Variants in CCDC102B observed in about 807,000 individuals in gnomAD.
CCDC102B encodes the protein coiled-coil domain containing 102B.
A neutral mutation model predicts 57.4 loss-of-function variants in CCDC102B; 75 were observed. The ratio of observed to expected loss-of-function variants is 1.31; its 90% confidence interval spans 1.08 to 1.58. The LOEUF (loss-of-function observed/expected upper bound fraction) is 1.58, where lower values mean the gene tolerates loss of function less well. Ranked by LOEUF, CCDC102B falls within the 40% of genes most tolerant of loss-of-function variation. The pLI is 0.00. For synonymous variants in CCDC102B, 206 were observed against 201.9 expected, an observed-to-expected ratio of 1.02 and a Z score of -0.17; for missense variants, 636 against 582.6, an observed-to-expected ratio of 1.09 and a Z score of -0.94.
chr18:68,877,019 C>G (rs963049946), intron 5 of CCDC102B, among the ~76,000 whole-genome samples: 1 of 152,144 alleles, frequency 6.6e-6, no homozygotes, highest in Non-Finnish European at 1.5e-5. Context: ...CCTTGAGTAA[C>G]AGATATTTCT....
intron 6 of CCDC102B, among the ~76,000 whole-genome samples, chr18:68,960,260 G>A (rs530076384): frequency 6.6e-6 from 1 of 152,228 alleles, no homozygotes; most frequent in East Asian, 1.9e-4. Flanking sequence ...GTCCCTTCTG[G>A]TCTTCTGGGT....
chr18:69,001,967 G>A (rs1022860986), intron 6 of CCDC102B, among the ~76,000 whole-genome samples: 6 of 151,972 alleles, frequency 3.9e-5, no homozygotes, highest in Non-Finnish European at 7.4e-5. Context: ...CCATTCTCAG[G>A]CCCAAGACCT....
intron 1 of CCDC102B, among the ~76,000 whole-genome samples, chr18:68,831,901 T>G (rs2037156933): frequency 6.6e-6 from 1 of 152,172 alleles, no homozygotes; most frequent in African/African-American, 2.4e-5. Context: ...TGTGCATGTT[T>G]GACAGGCCAC....
chr18:69,045,796 T>C (rs112306844), intron 7 of CCDC102B, among the ~76,000 whole-genome samples: 2,672 of 152,172 alleles, frequency 0.018, 83 homozygotes, highest in African/African-American at 0.06. Flanking sequence ...TCTGTTGTTC[T>C]CCTCTTTGTG....
upstream of CCDC102B, among the ~76,000 whole-genome samples, chr18:68,793,179 A>G (rs1197315967): frequency 6.6e-6 from 1 of 152,188 alleles, no homozygotes; most frequent in Non-Finnish European, 1.5e-5. Flanking sequence ...GTACATTTCA[A>G]TCAAAACCAA....
chr18:68,746,280 A>G (rs935855894), intron 2 of CCDC102B, among the ~76,000 whole-genome samples: 1 of 152,198 alleles, frequency 6.6e-6, no homozygotes, highest in African/African-American at 2.4e-5. Flanking sequence ...TCTGAATGCT[A>G]TCCATCACGT....
intron 6 of CCDC102B, among the ~76,000 whole-genome samples, chr18:68,981,549 A>G (rs1157951557): frequency 6.6e-6 from 1 of 152,084 alleles, no homozygotes; most frequent in African/African-American, 2.4e-5. Flanking sequence ...AGGAAAAACA[A>G]ACAAACAAAA....
intron 6 of CCDC102B, among the ~76,000 whole-genome samples, chr18:68,946,722 C>T (rs1243938363): frequency 1.3e-5 from 2 of 151,886 alleles, no homozygotes; most frequent in African/African-American, 4.8e-5. Context: ...CATTTAGAAA[C>T]CTAAGGGCTT....
At chr18:68,717,256 C>G (rs545877226) in intron 2 of CCDC102B, among the ~76,000 whole-genome samples, 2 of 152,034 alleles carry the variant, frequency 1.3e-5, no homozygotes, top group African/African-American at 4.8e-5. Context: ...AAAATAAATA[C>G]CAATTAAGTA....
intron 6 of CCDC102B, among the ~76,000 whole-genome samples, chr18:69,009,507 AT>A (rs148801044): frequency 0.033 from 4,953 of 152,148 alleles, 266 homozygotes; most frequent in African/African-American, 0.11. Flanking sequence ...TACTGAATAT[AT>A]TTTTTTGTTA....
chr18:68,921,966 T>G (rs968946782), intron 6 of CCDC102B, among the ~76,000 whole-genome samples: 1 of 152,174 alleles, frequency 6.6e-6, no homozygotes, highest in Non-Finnish European at 1.5e-5. Flanking sequence ...GATGCTCTGA[T>G]AGGGACTGGG....
At chr18:68,962,276 G>T (rs2050064427) in intron 6 of CCDC102B, among the ~76,000 whole-genome samples, 1 of 152,006 alleles carries the variant, frequency 6.6e-6, no homozygotes, top group East Asian at 1.9e-4. Flanking sequence ...ACTCTGCATG[G>T]ATACCTTACA....
intron 5 of CCDC102B, among the ~76,000 whole-genome samples, chr18:68,894,181 C>T (rs917842498): frequency 6.6e-6 from 1 of 151,974 alleles, no homozygotes; most frequent in East Asian, 1.9e-4. Flanking sequence ...TTCAGTTCCT[C>T]TTTGTTTCTT....
At chr18:68,722,373 A>C (rs888157553) in intron 2 of CCDC102B, among the ~76,000 whole-genome samples, 2 of 152,214 alleles carry the variant, frequency 1.3e-5, no homozygotes, top group African/African-American at 2.4e-5. Flanking sequence ...ACTATATGAC[A>C]ATGAAATGAC....
At chr18:68,724,009 A>G (rs2032479357) in intron 2 of CCDC102B, among the ~76,000 whole-genome samples, 1 of 152,196 alleles carries the variant, frequency 6.6e-6, no homozygotes, top group South Asian at 2.1e-4. Flanking sequence ...TCTGAAATCT[A>G]GATGCAGGTT....
At chr18:68,915,995 T>C (rs2041058816) in intron 6 of CCDC102B, among the ~76,000 whole-genome samples, 1 of 152,216 alleles carries the variant, frequency 6.6e-6, no homozygotes, top group African/African-American at 2.4e-5. Flanking sequence ...GCCTTATTTT[T>C]ATAAAAGGTG....
chr18:68,794,011 T>C (rs1328389868), upstream of CCDC102B, among the ~76,000 whole-genome samples: 1 of 152,168 alleles, frequency 6.6e-6, no homozygotes, highest in East Asian at 1.9e-4. Context: ...GATTAATATT[T>C]ATTCCCCATT....
intron 5 of CCDC102B, among the ~76,000 whole-genome samples, chr18:68,881,211 A>C (rs1201849529): frequency 6.6e-6 from 1 of 152,200 alleles, no homozygotes; most frequent in Non-Finnish European, 1.5e-5. Context: ...AAGAAGCAAA[A>C]CTATTTAATA....
rs17820183 is a variant in CCDC102B, at chr18:69,048,186, C to A, written c.1435-5844C>A. Among the ~76,000 whole-genome samples, 868 of 150,822 alleles carry A rather than the reference C, an allele frequency of 5.8e-3. 2 individuals are homozygous for A. The highest frequency in any genetic ancestry group is 9.5e-3 in the Non-Finnish European group (643 of 67,728). On this transcript the variant is annotated intron_variant, in intron 7 of 7. Coordinates refer to ENST00000360242, the MANE Select transcript of CCDC102B (RefSeq NM_024781.3). ...AATTATTTAGGAACTGTCCTAAGTA[C>A]TGGCACTGTAATGCCAAATAAGTGT...
Sources: allele counts gnomAD v4.1 joint callset (sites outside exome capture counted in the v4.1 genomes callset), GRCh38; gene constraint gnomAD v4.1.1; transcripts MANE v1.5; gene names NCBI Gene and HGNC (gene_info 2026-07-23, HGNC 2026-07-21).